The following EYA2 variants were observed in gnomAD, a reference collection of about 807,000 sequenced individuals.
EYA2 encodes protein phosphatase EYA2.
EYA2 carries 31 observed loss-of-function variants against 69.2 expected under a neutral mutation model. That is an observed-to-expected ratio of 0.45 (90% CI 0.34 to 0.60). The LOEUF is 0.60. EYA2 is among the 20% of genes least tolerant of loss of function. The probability of loss-of-function intolerance (pLI) is 0.02; values close to 1 mark genes in which losing one functional copy is unlikely to be tolerated. For missense variants in EYA2, 622 were observed against 701.2 expected, an observed-to-expected ratio of 0.89 and a Z score of 1.28; for synonymous variants, 257 against 279.4, an observed-to-expected ratio of 0.92 and a Z score of 0.80.
At chr20:47,136,731 G>C (rs2146588248) in intron 9 of EYA2, among the ~76,000 whole-genome samples, 1 of 142,326 alleles carries the variant, frequency 7.0e-6, no homozygotes, top group African/African-American at 2.6e-5. Context: ...TGACAGGGGA[G>C]ACCCTGTCTC....
chr20:47,106,153 A>C (rs1360926830), intron 9 of EYA2, among the ~76,000 whole-genome samples: 1 of 152,170 alleles, frequency 6.6e-6, no homozygotes, highest in East Asian at 1.9e-4. Flanking sequence ...CACTTGAGTC[A>C]AAATACAGAA....
chr20:46,970,271 T>C (rs1980058861), intron 1 of EYA2, among the ~76,000 whole-genome samples: 1 of 152,254 alleles, frequency 6.6e-6, no homozygotes, highest in South Asian at 2.1e-4. Context: ...TCTGTTTCCA[T>C]TTCACTACTG....
intron 5 of EYA2, among the ~76,000 whole-genome samples, chr20:47,022,003 G>A (rs1041902984): frequency 2.6e-5 from 4 of 152,180 alleles, no homozygotes; most frequent in Admixed American, 2.6e-4. Context: ...AGGGGTTGGG[G>A]CGGGTCATGG....
intron 9 of EYA2, among the ~76,000 whole-genome samples, chr20:47,116,392 G>A (rs1027036423): frequency 6.6e-6 from 1 of 151,962 alleles, no homozygotes; most frequent in Non-Finnish European, 1.5e-5. Flanking sequence ...TGGCCAGGCT[G>A]GTCTCGAACT....
chr20:47,073,494 T>TGGG (rs71183228), intron 6 of EYA2, among the ~76,000 whole-genome samples: 69 of 121,518 alleles, frequency 5.7e-4, no homozygotes, highest in African/African-American at 2.3e-3. Context: ...GTGTGTGTCG[T>TGGG]GGGGGGGGGG....
At chr20:47,099,022 T>C (rs545577390) in intron 9 of EYA2, among the ~76,000 whole-genome samples, 30 of 152,134 alleles carry the variant, frequency 2.0e-4, no homozygotes, top group African/African-American at 7.0e-4. Context: ...ATCTGGGAGG[T>C]AATCCCAGGA....
chr20:47,093,750 C>T (rs1371516046), intron 8 of EYA2, among the ~76,000 whole-genome samples: 1 of 152,236 alleles, frequency 6.6e-6, no homozygotes, highest in Non-Finnish European at 1.5e-5. Context: ...GCAATTATAT[C>T]TTCTAAAGAC....
chr20:47,162,629 C>A (rs905278617), intron 10 of EYA2, among the ~76,000 whole-genome samples: 1 of 151,342 alleles, frequency 6.6e-6, no homozygotes, highest in South Asian at 2.1e-4. Context: ...GGTGATCCTC[C>A]CACCTCAGCC....
chr20:46,955,415 C>T (rs1600578390), intron 1 of EYA2, among the ~76,000 whole-genome samples: 1 of 152,174 alleles, frequency 6.6e-6, no homozygotes, highest in East Asian at 1.9e-4. Context: ...GAACAAAGGC[C>T]ACCTCACCAG....
Position 47,090,969 on chromosome 20 carries a change from T to C in EYA2, c.804+1588T>C, listed in dbSNP as rs374651776. 7.9e-5 allele frequency among the ~76,000 whole-genome samples: 12 copies of C among 152,190 alleles called. 1 individual carries two copies. Among genetic ancestry groups the C allele is most frequent in the South Asian group, 6.3e-4 (3 of 4,798 alleles). The stretch of plus-strand genomic sequence containing the variant: ...TACTTCTTTGAAAAAGGCAGTCAGT[T>C]GCTGGCCTGAGTGTGCTAGGTGTCT... On this transcript the variant is annotated intron_variant, in intron 8 of 15. Coordinates refer to ENST00000327619, the MANE Select transcript of EYA2 (RefSeq NM_005244.5).
chr20:47,154,196 C>T lies in EYA2; in HGVS notation c.978+11048C>T, dbSNP rs965148165. The stretch of plus-strand genomic sequence containing the variant: ...GCTGCATTTTTGCTGTGTCTTCACC[C>T]GGCCTTTCCTCAATGCATGTACATG... On this transcript the variant is annotated intron_variant, in intron 10 of 15. Transcript: ENST00000327619. Among the ~76,000 whole-genome samples the T allele has an allele frequency of 4.6e-5, 7 of 152,066 alleles. No homozygotes were observed. The East Asian group carries it at 7.9e-4, about 17-fold the overall frequency.
chr20:47,143,274 C>A, intron 10 of EYA2, 126 bp downstream of exon 10: 2 of 910,774 alleles, frequency 2.2e-6, no homozygotes, highest in Non-Finnish European at 3.2e-6. Flanking sequence ...CTTTTAGAAG[C>A]TTGAAACTTT....
chr20:47,119,273 G>C (rs2032984263), intron 9 of EYA2, among the ~76,000 whole-genome samples: 1 of 152,160 alleles, frequency 6.6e-6, no homozygotes, highest in Non-Finnish European at 1.5e-5. Context: ...CTTTGACAGG[G>C]AAATAGGAGG....
Position 47,016,212 on chromosome 20 carries a change from C to T in EYA2, c.330C>T (p.Ser110=). ...AGACAGAAGACAGCTTGAACCATTC[C>T]CCTGGCCAGAGTGGATTCCTCAGCT... is the stretch of plus-strand genomic sequence containing the variant. ...SIKTEDSLNH[S]PGQSGFLSYG... is the part of the protein sequence containing the mutation. The change falls in exon 5 of 16, where the codon TCC becomes TCT. Residue 110 remains serine (S), a synonymous_variant. Coordinates refer to ENST00000327619, the MANE Select transcript of EYA2 (RefSeq NM_005244.5). 6.2e-7 allele frequency: 1 copy of T among 1,614,122 alleles called. No homozygotes were observed. Among genetic ancestry groups the T allele is most frequent in the Non-Finnish European group, 8.5e-7 (1 of 1,180,014 alleles).
At chr20:47,151,108 C>T (rs901756818) in intron 10 of EYA2, among the ~76,000 whole-genome samples, 5 of 151,934 alleles carry the variant, frequency 3.3e-5, no homozygotes, top group Admixed American at 6.6e-5. Context: ...CAGTTGTTTG[C>T]GCCTGTAATC....
chr20:46,961,820 T>C (rs1179978985), intron 1 of EYA2, among the ~76,000 whole-genome samples: 1 of 152,130 alleles, frequency 6.6e-6, no homozygotes, highest in East Asian at 1.9e-4. Flanking sequence ...GCTAAAAAAG[T>C]TAATCTCATG....
At chr20:47,140,830 T>C (rs531989063) in intron 9 of EYA2, among the ~76,000 whole-genome samples, 1 of 152,290 alleles carries the variant, frequency 6.6e-6, no homozygotes, top group South Asian at 2.1e-4. Context: ...AAGTTCAAGA[T>C]TGGGTAGCTG....
At chr20:47,173,264 C>A (rs1445274329) in intron 12 of EYA2, among the ~76,000 whole-genome samples, 1 of 152,048 alleles carries the variant, frequency 6.6e-6, no homozygotes, top group Non-Finnish European at 1.5e-5. Flanking sequence ...AAACTCTGCG[C>A]TGGGGCCCAG....
rs796506096 is a variant in EYA2, at chr20:47,023,043, T to TA, written c.415+6756dup. On this transcript the variant is annotated intron_variant, in intron 5 of 15. Coordinates refer to ENST00000327619, the MANE Select transcript of EYA2 (RefSeq NM_005244.5). The stretch of plus-strand genomic sequence containing the variant: ...TCCCTCCGATATATTCCTTTTGTAA[T>TA]AAAAAAAAAAGACACATGAATTTTT... Among the ~76,000 whole-genome samples, 390 of 148,034 alleles carry TA rather than the reference T, an allele frequency of 2.6e-3. 1 individual carries two copies. The highest frequency in any genetic ancestry group is 6.9e-3 in the African/African-American group (280 of 40,420).
Sources: gnomAD v4.1 joint callset for allele counts (sites outside exome capture counted in the v4.1 genomes callset) on GRCh38, gnomAD v4.1.1 for gene constraint, MANE v1.5 for transcripts, NCBI Gene and HGNC (gene_info 2026-07-23, HGNC 2026-07-21) for gene names.